Variants in KPNA4 observed in about 807,000 individuals in gnomAD.
The protein encoded by KPNA4 is importin subunit alpha-3.
In KPNA4, 13 loss-of-function variants were observed where a neutral mutation model predicts 71.3. The observed-to-expected ratio is 0.18, with a 90% CI of 0.12 to 0.29. The LOEUF (loss-of-function observed/expected upper bound fraction) is 0.29, where lower values mean the gene tolerates loss of function less well. Among genes scored for constraint, KPNA4 ranks in the 10% least tolerant of loss-of-function variants. The probability of loss-of-function intolerance (pLI) is 1.00; values close to 1 mark genes in which losing one functional copy is unlikely to be tolerated. For synonymous variants in KPNA4, 189 were observed against 195.2 expected (o/e 0.97, Z 0.26); for missense variants, 334 against 603.2 (o/e 0.55, Z 4.67).
intron 1 of KPNA4, among the ~76,000 whole-genome samples, chr3:160,557,677 A>G (rs527943022): frequency 1.0e-3 from 154 of 152,292 alleles, no homozygotes; most frequent in African/African-American, 3.6e-3. Context: ...AGCATTTAAA[A>G]ATTTCTATCT....
At chr3:160,558,931 G>C (rs1722193112) in intron 1 of KPNA4, among the ~76,000 whole-genome samples, 1 of 152,064 alleles carries the variant, frequency 6.6e-6, no homozygotes, top group African/African-American at 2.4e-5. Context: ...AGTAAAAAAT[G>C]ATTACTTTTA....
chr3:160,533,359 A>G (rs187791061), intron 5 of KPNA4, among the ~76,000 whole-genome samples: 1 of 151,882 alleles, frequency 6.6e-6, no homozygotes, highest in Non-Finnish European at 1.5e-5. Flanking sequence ...TGCCTTTCCA[A>G]TTAGCTTATA....
chr3:160,516,508 A>G (rs1168572600), intron 11 of KPNA4, among the ~76,000 whole-genome samples: 1 of 151,984 alleles, frequency 6.6e-6, no homozygotes, highest in Non-Finnish European at 1.5e-5. Context: ...AGCTAGGTGC[A>G]GTGGCTCACG....
At chr3:160,517,651 A>G (rs1320625692) in intron 11 of KPNA4, among the ~76,000 whole-genome samples, 1 of 152,044 alleles carries the variant, frequency 6.6e-6, no homozygotes, top group Non-Finnish European at 1.5e-5. Flanking sequence ...AACTATAGCC[A>G]TCCTGGTGGG....
chr3:160,530,936 A>G lies in KPNA4; in HGVS notation c.388T>C (p.Ser130Pro), dbSNP rs951179132. Residue 130 changes from serine to proline, a missense_variant, in exon 7 of 17, where the codon TCT (serine) becomes CCT (proline). Transcript: ENST00000334256. Reference sequence around the variant, plus strand: ...GCCCATGCAGCTTCAAACTGTAAAGAAGGACTACAAAAAAAAACAAGTATT... The same window carrying G: ...GCCCATGCAGCTTCAAACTGTAAAGGAGGACTACAAAAAAAAACAAGTATT... ...VHCLERDDNP[S>P]LQFEAAWALT... The G allele has an allele frequency of 6.2e-7, 1 of 1,601,518 alleles. No homozygotes were observed. The highest frequency in any genetic ancestry group is 1.3e-5 in the African/African-American group (1 of 74,322).
chr3:160,549,965 T>C (rs540091853), intron 1 of KPNA4, among the ~76,000 whole-genome samples: 1 of 152,376 alleles, frequency 6.6e-6, no homozygotes, highest in South Asian at 2.1e-4. Context: ...GTTAGGTTTA[T>C]TCCTAAGTAT....
rs113603448 is a variant in KPNA4, at chr3:160,535,411, C to T, written c.287+102G>A. 4.3e-6 allele frequency: 3 copies of T among 701,240 alleles called. No individual in the cohort carries two copies. In the African/African-American group the frequency reaches 5.4e-5, roughly 13 times the overall value. The allele number at this position is 701,240 out of a possible 1,614,324, so 43.4% of individuals were successfully genotyped here. A position where few individuals can be genotyped will look rare whatever the true frequency, so the allele number is the denominator to read the frequency against. On this transcript the variant is annotated intron_variant, in intron 5 of 16. Transcript: ENST00000334256. ...ATTACTATTTACTATTGTTTGTCAT[C>T]AAGTTAAATTTGATTAACAGGGACT...
chr3:160,513,685 AG>A (rs1721147067), intron 13 of KPNA4, among the ~76,000 whole-genome samples: 1 of 152,198 alleles, frequency 6.6e-6, no homozygotes, highest in African/African-American at 2.4e-5. Context: ...TGTCTATACC[AG>A]GGTTTCTTCA....
intron 1 of KPNA4, among the ~76,000 whole-genome samples, chr3:160,543,041 T>C (rs1000730538): frequency 6.6e-6 from 1 of 152,114 alleles, no homozygotes; most frequent in South Asian, 2.1e-4. Context: ...TAAAAAGTTA[T>C]ACATGTCTAT....
chr3:160,524,133 G>A (rs948946262), intron 10 of KPNA4, among the ~76,000 whole-genome samples: 3 of 152,034 alleles, frequency 2.0e-5, no homozygotes, highest in Non-Finnish European at 2.9e-5. Context: ...TGTTAATCAT[G>A]TTACTAAAAA....
chr3:160,544,231 T>G (rs1040242554), intron 1 of KPNA4, among the ~76,000 whole-genome samples: 3 of 152,148 alleles, frequency 2.0e-5, no homozygotes, highest in Admixed American at 2.0e-4. Context: ...CATGTATATG[T>G]GCGCACTGGC....
chr3:160,514,859 G>A (rs762271569), intron 12 of KPNA4: 1 of 446,634 alleles, frequency 2.2e-6, no homozygotes, highest in Admixed American at 2.5e-5. Context: ...TAACTAATAA[G>A]TTTTACTCTA....
Position 160,495,349 on chromosome 3 carries a change from A to T in KPNA4, c.*6755T>A, listed in dbSNP as rs373818923. The T allele has an allele frequency of 9.2e-5, 14 of 152,330 alleles. No homozygotes were observed. The highest frequency in any genetic ancestry group is 2.6e-4 in the Admixed American group (4 of 15,300). 9.4% of individuals were successfully genotyped at this position (152,330 alleles called of 1,614,324 possible). A position where few individuals can be genotyped will look rare whatever the true frequency, so the allele number is the denominator to read the frequency against. On this transcript the variant is annotated 3_prime_UTR_variant, in exon 17 of 17. Transcript: ENST00000334256. Reference sequence around the variant, plus strand: ...GCCAGGATGCAAACAAACATTTCCTATCTGCTGTGTATTTTCTTGCTCCCT... The same window carrying T: ...GCCAGGATGCAAACAAACATTTCCTTTCTGCTGTGTATTTTCTTGCTCCCT...
intron 1 of KPNA4, among the ~76,000 whole-genome samples, chr3:160,540,408 G>C (rs1209580811): frequency 6.6e-6 from 1 of 152,172 alleles, no homozygotes; most frequent in African/African-American, 2.4e-5. Flanking sequence ...TAGCACTGTA[G>C]TAACAACATA....
At chr3:160,507,097 T>TGA (rs1439686737) in intron 15 of KPNA4, among the ~76,000 whole-genome samples, 1 of 152,204 alleles carries the variant, frequency 6.6e-6, no homozygotes, top group Non-Finnish European at 1.5e-5. Flanking sequence ...CTCTAAGACT[T>TGA]GAAAGCTAAT....
At chr3:160,551,519 C>T (rs901194447) in intron 1 of KPNA4, among the ~76,000 whole-genome samples, 3 of 151,878 alleles carry the variant, frequency 2.0e-5, no homozygotes, top group Non-Finnish European at 4.4e-5. Context: ...CAGGAGAGAC[C>T]CAACAAAAGC....
chr3:160,513,805 G>A lies in KPNA4; in HGVS notation c.1137+272C>T, dbSNP rs376333914. Among the ~76,000 whole-genome samples the A allele has an allele frequency of 7.9e-5, 12 of 152,172 alleles. No individual in the cohort carries two copies. The East Asian group carries it at 2.1e-3, about 27-fold the overall frequency. On this transcript the variant is annotated intron_variant, in intron 13 of 16. Coordinates refer to ENST00000334256, the MANE Select transcript of KPNA4 (RefSeq NM_002268.5). ...GTAAGCATTTATTATCAACAGTAAC[G>A]ATATGAAAGTTTAGTATGGCCTAGG... is the stretch of plus-strand genomic sequence containing the variant.
rs1159709690 is a variant in KPNA4, at chr3:160,497,318, G to C, written c.*4786C>G. 1.3e-5 allele frequency: 2 copies of C among 152,228 alleles called. No individual in the cohort carries two copies. The highest frequency in any genetic ancestry group is 2.1e-4 in the South Asian group (1 of 4,832). 9.4% of individuals were successfully genotyped at this position (152,228 alleles called of 1,614,324 possible). On this transcript the variant is annotated 3_prime_UTR_variant, in exon 17 of 17. Transcript: ENST00000334256. ...TAATCCCAGCTACTCAGGAGGCTGA[G>C]GCAGAATTGCTTGAACCCTTGAGGC... is the stretch of plus-strand genomic sequence containing the variant.
intron 1 of KPNA4, among the ~76,000 whole-genome samples, chr3:160,551,088 T>C (rs1722032332): frequency 6.6e-6 from 1 of 152,202 alleles, no homozygotes; most frequent in African/African-American, 2.4e-5. Context: ...AAATGTTTGG[T>C]AGAATTCACC....
Sources: allele counts gnomAD v4.1 joint callset (sites outside exome capture counted in the v4.1 genomes callset), GRCh38; gene constraint gnomAD v4.1.1; transcripts MANE v1.5; gene names NCBI Gene and HGNC (gene_info 2026-07-23, HGNC 2026-07-21).